Variants in ACVR1 observed in about 807,000 individuals in gnomAD.
ACVR1 encodes the protein activin receptor type-1.
Under a neutral mutation model 57.1 loss-of-function variants are expected in ACVR1, and 38 were observed. The observed-to-expected ratio is 0.67, with a 90% confidence interval of 0.51 to 0.87. ACVR1 has a LOEUF of 0.87. Ranked by LOEUF, ACVR1 falls within the 40% of genes least tolerant of loss-of-function variation. ACVR1 has a pLI of 0.00. For synonymous variants in ACVR1, 212 were observed against 228.1 expected, an observed-to-expected ratio of 0.93 and a Z score of 0.63; for missense variants, 463 against 638.2, an observed-to-expected ratio of 0.73 and a Z score of 2.96.
chr2:157,814,351 G>A (rs750586758), intron 2 of ACVR1, among the ~76,000 whole-genome samples: 2 of 152,160 alleles, frequency 1.3e-5, no homozygotes, highest in African/African-American at 2.4e-5. Flanking sequence ...AGAAATAAAA[G>A]TGGCTTTTAA....
At chr2:157,765,221 A>C (rs991241770) in intron 8 of ACVR1, among the ~76,000 whole-genome samples, 1 of 152,234 alleles carries the variant, frequency 6.6e-6, no homozygotes, top group Non-Finnish European at 1.5e-5. Context: ...CACCATAAGA[A>C]TGAGCTATCC....
chr2:157,751,433 C>A (rs948848881), intron 9 of ACVR1, among the ~76,000 whole-genome samples: 1 of 152,220 alleles, frequency 6.6e-6, no homozygotes, highest in Non-Finnish European at 1.5e-5. Context: ...AAAATTCTAA[C>A]CGAATGCAAA....
chr2:157,797,659 C>G (rs929548030), intron 3 of ACVR1, among the ~76,000 whole-genome samples: 1 of 152,160 alleles, frequency 6.6e-6, no homozygotes, highest in Non-Finnish European at 1.5e-5. Context: ...GCAGGACCAT[C>G]CCTGAGCAAC....
At chr2:157,796,830 AT>A (rs1687141470) in intron 3 of ACVR1, among the ~76,000 whole-genome samples, 1 of 152,172 alleles carries the variant, frequency 6.6e-6, no homozygotes, top group South Asian at 2.1e-4. Flanking sequence ...CAGCTTTAAT[AT>A]AAGCCCATTT....
intron 1 of ACVR1, among the ~76,000 whole-genome samples, chr2:157,839,743 T>C (rs750284134): frequency 9.9e-5 from 15 of 152,192 alleles, no homozygotes; most frequent in Non-Finnish European, 2.1e-4. Context: ...TTCTGGGGGA[T>C]GCCAGACTTA....
intron 1 of ACVR1, among the ~76,000 whole-genome samples, chr2:157,862,404 AG>A (rs1689751400): frequency 7.1e-6 from 1 of 141,716 alleles, no homozygotes; most frequent in Admixed American, 7.6e-5. Context: ...TACTAGGCAC[AG>A]GATAAACATA....
At chr2:157,745,607 T>C (rs1684937051) in intron 9 of ACVR1, among the ~76,000 whole-genome samples, 1 of 152,130 alleles carries the variant, frequency 6.6e-6, no homozygotes, top group Admixed American at 6.6e-5. Context: ...AGGGGGAAAA[T>C]AATTCTTCCC....
intron 9 of ACVR1, among the ~76,000 whole-genome samples, chr2:157,743,490 C>A (rs1372633859): frequency 6.6e-6 from 1 of 152,016 alleles, no homozygotes; most frequent in African/African-American, 2.4e-5. Flanking sequence ...GTATTACAGA[C>A]ACTAGATACA....
At chr2:157,845,893 G>C (rs1384461349) in intron 1 of ACVR1, among the ~76,000 whole-genome samples, 1 of 152,208 alleles carries the variant, frequency 6.6e-6, no homozygotes, top group Non-Finnish European at 1.5e-5. Flanking sequence ...TGTACAATGT[G>C]CTGTTTTAGA....
chr2:157,871,651 G>A lies in ACVR1; in HGVS notation c.-183+4145C>T, dbSNP rs748576823. On this transcript the variant is annotated intron_variant, in intron 1 of 10. Transcript: ENST00000434821. ...CCAAAAATCAAACAACTGAATAGCC[G>A]TGGCTCTGGAAAACAAAGCTCTGAT... Among the ~76,000 whole-genome samples the A allele has an allele frequency of 2.6e-5, 4 of 152,162 alleles. No individual in the cohort carries two copies. In the South Asian group the frequency reaches 6.2e-4, roughly 24 times the overall value.
intron 3 of ACVR1, among the ~76,000 whole-genome samples, chr2:157,781,559 G>A (rs375432124): frequency 6.6e-6 from 1 of 152,140 alleles, no homozygotes; most frequent in Non-Finnish European, 1.5e-5. Context: ...GAGAATGAGG[G>A]CACAAGGAGA....
At chr2:157,755,284 T>C (rs1007433020) in intron 9 of ACVR1, among the ~76,000 whole-genome samples, 6 of 151,908 alleles carry the variant, frequency 3.9e-5, no homozygotes, top group Admixed American at 2.6e-4. Context: ...GACAAAGAAA[T>C]AAAGGGCATG....
chr2:157,860,974 C>A (rs753104040), intron 1 of ACVR1, among the ~76,000 whole-genome samples: 1 of 152,218 alleles, frequency 6.6e-6, no homozygotes, highest in Admixed American at 6.5e-5. Context: ...CCAAGGACCA[C>A]ACGCTGAGTA....
intron 1 of ACVR1, among the ~76,000 whole-genome samples, chr2:157,823,897 A>C (rs1688243989): frequency 6.6e-6 from 1 of 152,182 alleles, no homozygotes; most frequent in Non-Finnish European, 1.5e-5. Flanking sequence ...CTACAGTAGC[A>C]TAAAGAAGGT....
At chr2:157,863,336 C>CT (rs1161335923) in intron 1 of ACVR1, among the ~76,000 whole-genome samples, 437 of 35,652 alleles carry the variant, frequency 0.012, 59 homozygotes, top group African/African-American at 0.044. Context: ...AATTGTTTCT[C>CT]TTTTTTTTTT....
intron 1 of ACVR1, among the ~76,000 whole-genome samples, chr2:157,863,294 T>C (rs889596558): frequency 2.9e-5 from 4 of 137,442 alleles, no homozygotes; most frequent in African/African-American, 1.0e-4. Context: ...ATTACAGGCG[T>C]GAGCCACCAT....
At chr2:157,825,285 T>C (rs189013579) in intron 1 of ACVR1, among the ~76,000 whole-genome samples, 1 of 152,276 alleles carries the variant, frequency 6.6e-6, no homozygotes, top group Admixed American at 6.5e-5. Context: ...CCTATTTTTC[T>C]AATTCTCCTT....
chr2:157,738,598 G>A (rs368919349), intron 9 of ACVR1, 28 bp from the exon 10 acceptor site: 6 of 1,613,830 alleles, frequency 3.7e-6, no homozygotes, highest in Non-Finnish European at 5.1e-6. Flanking sequence ...AATTGTGTTC[G>A]GTTAGCAAGA....
At position 157,872,660 on chromosome 2, in the gene ACVR1, T is replaced by C. The variant is rs371097085; in HGVS notation, c.-183+3136A>G. ...TGGGGTCTTATCGATCAGCCAGTAG[T>C]TACTGTGTGCCCACTGCAAACAAGG... On this transcript the variant is annotated intron_variant, in intron 1 of 10. Transcript: ENST00000434821. Among the ~76,000 whole-genome samples, 56 of 152,356 alleles carry C rather than the reference T, an allele frequency of 3.7e-4. No individual in the cohort carries two copies. In the South Asian group the frequency reaches 9.3e-3, roughly 25 times the overall value.
Sources: allele counts gnomAD v4.1 joint callset (sites outside exome capture counted in the v4.1 genomes callset), GRCh38; gene constraint gnomAD v4.1.1; transcripts MANE v1.5; gene names NCBI Gene and HGNC (gene_info 2026-07-23, HGNC 2026-07-21).